Variants in GSK3B observed in about 807,000 individuals in gnomAD.
GSK3B encodes the protein glycogen synthase kinase-3 beta.
In GSK3B, 15 loss-of-function variants were observed where a neutral mutation model predicts 56.4. The observed-to-expected ratio is 0.27, with a 90% CI of 0.18 to 0.41. GSK3B has a LOEUF of 0.41. Among genes scored for constraint, GSK3B ranks in the 10% least tolerant of loss-of-function variants. GSK3B has a pLI of 1.00. For synonymous variants in GSK3B, 181 were observed against 188.9 expected (o/e 0.96, Z 0.34); for missense variants, 300 against 513.4 (o/e 0.58, Z 4.02).
chr3:119,984,274 C>A (rs184258587), intron 2 of GSK3B, among the ~76,000 whole-genome samples: 99 of 152,004 alleles, frequency 6.5e-4, no homozygotes, highest in African/African-American at 2.4e-3. Flanking sequence ...AAAATTGACA[C>A]CCTAACATCA....
At chr3:119,932,628 T>C (rs1559842608) in intron 3 of GSK3B, among the ~76,000 whole-genome samples, 3 of 150,774 alleles carry the variant, frequency 2.0e-5, no homozygotes, top group Non-Finnish European at 4.4e-5. Flanking sequence ...TACACAGAAC[T>C]GTAAAACATC....
At chr3:120,053,135 G>A (rs538212362) in intron 1 of GSK3B, among the ~76,000 whole-genome samples, 47 of 152,210 alleles carry the variant, frequency 3.1e-4, no homozygotes, top group African/African-American at 9.6e-4. Flanking sequence ...TCAGGAGTTC[G>A]AGACCAGCCT....
intron 10 of GSK3B, 98 bp downstream of exon 10, chr3:119,843,157 C>G: frequency 1.6e-6 from 1 of 606,798 alleles, no homozygotes; most frequent in Admixed American, 2.1e-5. Context: ...TCAGGTGATC[C>G]ACCCACCTCG....
chr3:119,884,330 G>A (rs546941774), intron 7 of GSK3B, among the ~76,000 whole-genome samples: 2 of 152,130 alleles, frequency 1.3e-5, no homozygotes, highest in South Asian at 2.1e-4. Flanking sequence ...AGAGCAAGCC[G>A]ACCATAATCA....
intron 10 of GSK3B, among the ~76,000 whole-genome samples, chr3:119,840,199 A>T (rs532741167): frequency 9.3e-5 from 14 of 150,048 alleles, no homozygotes; most frequent in South Asian, 2.1e-4. Flanking sequence ...ATGGCTTTTT[A>T]AAAAAAACAT....
At chr3:120,088,481 C>T (rs1236546860) in intron 1 of GSK3B, among the ~76,000 whole-genome samples, 3 of 152,076 alleles carry the variant, frequency 2.0e-5, no homozygotes, top group African/African-American at 7.2e-5. Context: ...ATTTCAAAAG[C>T]AATTTGATTT....
At chr3:119,833,028 G>A in intron 10 of GSK3B, 1 of 952,934 alleles carries the variant, frequency 1.0e-6, no homozygotes, top group Non-Finnish European at 1.2e-6. Context: ...TGGATTAATG[G>A]TCAACTGTCT....
chr3:119,840,663 G>A (rs1339192105), intron 10 of GSK3B, among the ~76,000 whole-genome samples: 1 of 152,178 alleles, frequency 6.6e-6, no homozygotes, highest in Non-Finnish European at 1.5e-5. Flanking sequence ...AGCATTTCCT[G>A]AAGTATGTTT....
chr3:120,064,120 T>C (rs182720201), intron 1 of GSK3B, among the ~76,000 whole-genome samples: 20 of 151,984 alleles, frequency 1.3e-4, no homozygotes, highest in Non-Finnish European at 2.5e-4. Context: ...AAAATACTAA[T>C]ATATATGTAT....
chr3:119,843,167 G>A (rs372393411), intron 10 of GSK3B, 88 bp downstream of exon 10: 50 of 689,856 alleles, frequency 7.2e-5, no homozygotes, highest in African/African-American at 4.4e-4. Flanking sequence ...CACCCACCTC[G>A]GCCTCCCAAA....
chr3:120,043,785 G>A (rs550835628), intron 1 of GSK3B, among the ~76,000 whole-genome samples: 84 of 152,170 alleles, frequency 5.5e-4, no homozygotes, highest in African/African-American at 2.0e-3. Context: ...GCACTTTTAC[G>A]GCTTAAGAGT....
chr3:119,863,302 C>G (rs2056132110), intron 9 of GSK3B, 117 bp downstream of exon 9: 1 of 795,394 alleles, frequency 1.3e-6, no homozygotes, highest in Admixed American at 2.0e-5. Flanking sequence ...TTTCACCTAC[C>G]TAAGTACTTA....
At chr3:119,937,767 T>C (rs1311204829) in intron 3 of GSK3B, among the ~76,000 whole-genome samples, 1 of 150,914 alleles carries the variant, frequency 6.6e-6, no homozygotes, top group Admixed American at 6.6e-5. Context: ...ATAAGAAATA[T>C]ATGAATAGAG....
At chr3:120,058,947 T>C (rs569220311) in intron 1 of GSK3B, among the ~76,000 whole-genome samples, 3 of 151,676 alleles carry the variant, frequency 2.0e-5, no homozygotes, top group African/African-American at 4.8e-5. Flanking sequence ...GAAGCACACG[T>C]TGCAGTGAGT....
At chr3:120,084,271 T>C (rs534455216) in intron 1 of GSK3B, among the ~76,000 whole-genome samples, 4 of 152,234 alleles carry the variant, frequency 2.6e-5, no homozygotes, top group African/African-American at 9.6e-5. Flanking sequence ...ATTATATCAG[T>C]ATGAAAGCAA....
chr3:119,866,734 T>TG (rs890849257), intron 8 of GSK3B: 154 of 718,196 alleles, frequency 2.1e-4, no homozygotes, highest in African/African-American at 5.3e-4. Context: ...ATCCATGGTG[T>TG]GGGGGGGGAC....
chr3:120,091,908 A>C (rs1226372389), intron 1 of GSK3B, among the ~76,000 whole-genome samples: 1 of 152,216 alleles, frequency 6.6e-6, no homozygotes, highest in Non-Finnish European at 1.5e-5. Context: ...TCCCAAAGCC[A>C]ACATGAATTG....
chr3:119,991,597 T>C (rs1426956621), intron 2 of GSK3B, among the ~76,000 whole-genome samples: 1 of 151,256 alleles, frequency 6.6e-6, no homozygotes, highest in African/African-American at 2.4e-5. Flanking sequence ...GAAGATCCTA[T>C]TTCAACCTTC....
intron 2 of GSK3B, among the ~76,000 whole-genome samples, chr3:119,959,660 G>A (rs1038972165): frequency 3.3e-5 from 5 of 151,712 alleles, no homozygotes; most frequent in Non-Finnish European, 5.9e-5. Context: ...GATTACACGC[G>A]TGTACCACCA....
Sources: gnomAD v4.1 joint callset for allele counts (sites outside exome capture counted in the v4.1 genomes callset) on GRCh38, gnomAD v4.1.1 for gene constraint, MANE v1.5 for transcripts, NCBI Gene and HGNC (gene_info 2026-07-23, HGNC 2026-07-21) for gene names.